Variants in MEIKIN observed in about 807,000 individuals in gnomAD.
The protein encoded by MEIKIN is meiosis-specific kinetochore protein.
At chr5:131,817,269 C>A (rs1773117711) in intron 12 of MEIKIN, among the ~76,000 whole-genome samples, 1 of 152,176 alleles carries the variant, frequency 6.6e-6, no homozygotes, top group Non-Finnish European at 1.5e-5. Context: ...GATGGCATAT[C>A]ATGGAACTTT....
At chr5:131,864,532 CT>C (rs1392471744) in intron 9 of MEIKIN, among the ~76,000 whole-genome samples, 2 of 152,208 alleles carry the variant, frequency 1.3e-5, no homozygotes, top group African/African-American at 4.8e-5. Context: ...TCTTTCAGCA[CT>C]TTGAATATAT....
intron 6 of MEIKIN, among the ~76,000 whole-genome samples, chr5:131,920,082 C>A (rs995852996): frequency 3.9e-5 from 6 of 152,108 alleles, no homozygotes; most frequent in African/African-American, 7.2e-5. Context: ...ACAAAAAGAA[C>A]TGTATGCAAA....
At chr5:131,924,401 G>T (rs1751556091) in intron 5 of MEIKIN, among the ~76,000 whole-genome samples, 1 of 152,086 alleles carries the variant, frequency 6.6e-6, no homozygotes, top group Non-Finnish European at 1.5e-5. Flanking sequence ...CCTCCATACT[G>T]TTTCTATAGC....
intron 7 of MEIKIN, among the ~76,000 whole-genome samples, chr5:131,915,697 T>C (rs1490074209): frequency 6.6e-6 from 1 of 152,164 alleles, no homozygotes; most frequent in Non-Finnish European, 1.5e-5. Context: ...AGAGGACTTC[T>C]AACCAGAAGT....
At chr5:131,839,999 C>T (rs1749875779) in intron 11 of MEIKIN, among the ~76,000 whole-genome samples, 2 of 152,194 alleles carry the variant, frequency 1.3e-5, no homozygotes, top group Non-Finnish European at 2.9e-5. Context: ...TCTTTACTTC[C>T]CATATTTAGT....
chr5:131,895,491 G>A (rs1240704392), intron 8 of MEIKIN, among the ~76,000 whole-genome samples: 7 of 152,162 alleles, frequency 4.6e-5, no homozygotes, highest in South Asian at 4.2e-4. Flanking sequence ...ACCTCTGGTA[G>A]AATTCAACTG....
chr5:131,835,466 A>G (rs1561726940), intron 11 of MEIKIN, among the ~76,000 whole-genome samples: 2 of 152,030 alleles, frequency 1.3e-5, no homozygotes, highest in Non-Finnish European at 2.9e-5. Flanking sequence ...CTTTTTCCCT[A>G]TCTTTTGTTT....
chr5:131,822,096 C>G (rs534401789), intron 11 of MEIKIN, among the ~76,000 whole-genome samples: 1 of 152,286 alleles, frequency 6.6e-6, no homozygotes. Flanking sequence ...TGTCTAAGTA[C>G]AGCTACTGCT....
intron 5 of MEIKIN, among the ~76,000 whole-genome samples, chr5:131,926,673 G>T (rs373710394): frequency 1.3e-5 from 2 of 152,128 alleles, no homozygotes; most frequent in Non-Finnish European, 2.9e-5. Context: ...GATTTTCTTT[G>T]TTGGAAGGTT....
chr5:131,849,082 C>T lies in MEIKIN; in HGVS notation c.975+2182G>A, dbSNP rs185350065. On this transcript the variant is annotated intron_variant, in intron 11 of 12. Transcript: ENST00000442687. The stretch of plus-strand genomic sequence containing the variant: ...TTCAACAAAATAAAAGCCATTGATA[C>T]GGTTTGGATTTGTGTCCCTGCCCAA... Among the ~76,000 whole-genome samples the T allele has an allele frequency of 7.6e-4, 116 of 152,240 alleles. 1 individual carries two copies. Among genetic ancestry groups the T allele is most frequent in the Middle Eastern group, 3.4e-3 (1 of 294 alleles).
Position 131,919,110 on chromosome 5 carries a change from A to G in MEIKIN, c.599-2185T>C, listed in dbSNP as rs140692724. On this transcript the variant is annotated intron_variant, in intron 6 of 12. Coordinates refer to ENST00000442687, the MANE Select transcript of MEIKIN (RefSeq NM_001303622.2). ...ATTCTTCAAATAAAAATGGCCCTTA[A>G]ACATATGAAAAATGTTTAAACTCAC... 7.0e-4 allele frequency among the ~76,000 whole-genome samples: 107 copies of G among 152,324 alleles called. 3 individuals are homozygous for G. The East Asian group carries it at 0.019, about 27-fold the overall frequency.
At chr5:131,860,281 T>G (rs1459143979) in intron 9 of MEIKIN, among the ~76,000 whole-genome samples, 1 of 104,356 alleles carries the variant, frequency 9.6e-6, no homozygotes, top group East Asian at 2.1e-4. Context: ...TTATGCCTAG[T>G]TTTTTTTTTT....
intron 11 of MEIKIN, among the ~76,000 whole-genome samples, chr5:131,834,769 G>A (rs1431300186): frequency 3.3e-5 from 5 of 152,036 alleles, no homozygotes; most frequent in Non-Finnish European, 7.4e-5. Context: ...AATAAACACG[G>A]GAGTGCAGAT....
intron 11 of MEIKIN, among the ~76,000 whole-genome samples, chr5:131,847,012 G>A (rs1217343306): frequency 6.6e-6 from 1 of 152,022 alleles, no homozygotes; most frequent in Non-Finnish European, 1.5e-5. Flanking sequence ...GACTGCTAAA[G>A]GTAATCCCTC....
At chr5:131,884,212 G>A (rs949661952) in intron 8 of MEIKIN, among the ~76,000 whole-genome samples, 4 of 152,152 alleles carry the variant, frequency 2.6e-5, no homozygotes, top group Non-Finnish European at 5.9e-5. Flanking sequence ...ACCAGCCAAG[G>A]CAGCTAAGGG....
intron 8 of MEIKIN, among the ~76,000 whole-genome samples, chr5:131,886,109 A>G (rs913962516): frequency 2.0e-5 from 3 of 152,196 alleles, no homozygotes; most frequent in Admixed American, 1.3e-4. Flanking sequence ...TTAAAAATAC[A>G]TAGAGAAGAC....
chr5:131,904,040 C>G (rs1396679646), intron 8 of MEIKIN, among the ~76,000 whole-genome samples: 11 of 151,686 alleles, frequency 7.3e-5, no homozygotes, highest in Non-Finnish European at 1.5e-5. Context: ...CAGACTTTAA[C>G]CAAGATCAAA....
At chr5:131,815,004 C>T (rs933299715) in intron 12 of MEIKIN, among the ~76,000 whole-genome samples, 2 of 152,190 alleles carry the variant, frequency 1.3e-5, no homozygotes, top group African/African-American at 2.4e-5. Flanking sequence ...CTACTTCCAT[C>T]ATGGAAGGGG....
intron 7 of MEIKIN, among the ~76,000 whole-genome samples, chr5:131,915,024 AG>A (rs1335030798): frequency 2.0e-5 from 3 of 152,204 alleles, no homozygotes; most frequent in Non-Finnish European, 4.4e-5. Flanking sequence ...AGGGGGCATC[AG>A]TTAGCTCTCC....
Sources: gnomAD v4.1 joint callset for allele counts (sites outside exome capture counted in the v4.1 genomes callset) on GRCh38, gnomAD v4.1.1 for gene constraint, MANE v1.5 for transcripts, NCBI Gene and HGNC (gene_info 2026-07-23, HGNC 2026-07-21) for gene names.